The following SH3RF3 variants were observed in gnomAD, a reference collection of about 807,000 sequenced individuals.
SH3RF3 encodes the protein SH3 domain containing ring finger 3.
A neutral mutation model predicts 66.3 loss-of-function variants in SH3RF3; 29 were observed. That is an observed-to-expected ratio of 0.44 (90% CI 0.33 to 0.60). The LOEUF (loss-of-function observed/expected upper bound fraction) is 0.60, where lower values mean the gene tolerates loss of function less well. Among genes scored for constraint, SH3RF3 ranks in the 20% least tolerant of loss-of-function variants. The pLI, the probability that SH3RF3 is intolerant of heterozygous loss-of-function variation, is 0.04. For synonymous variants in SH3RF3, 583 were observed against 532.0 expected, an observed-to-expected ratio of 1.10 and a Z score of -1.32; for missense variants, 1,194 against 1,190.9, an observed-to-expected ratio of 1.00 and a Z score of -0.04.
chr2:109,204,657 C>G (rs1678765437), intron 1 of SH3RF3, among the ~76,000 whole-genome samples: 2 of 152,214 alleles, frequency 1.3e-5, no homozygotes, highest in South Asian at 4.1e-4. Context: ...TGCCAGGGAC[C>G]TGCTGGCAGG....
intron 4 of SH3RF3, among the ~76,000 whole-genome samples, chr2:109,409,656 G>A (rs985371247): frequency 2.6e-5 from 4 of 152,126 alleles, no homozygotes; most frequent in Non-Finnish European, 4.4e-5. Flanking sequence ...CCTCTCCCAG[G>A]ACAGACTCCC....
intron 4 of SH3RF3, among the ~76,000 whole-genome samples, chr2:109,399,912 ACTCC>A (rs1418129833): frequency 6.6e-6 from 1 of 151,998 alleles, no homozygotes; most frequent in Non-Finnish European, 1.5e-5. Context: ...AATGGTGCCC[ACTCC>A]ATTTCTCCCT....
At chr2:109,221,191 G>T (rs1679228613) in intron 1 of SH3RF3, among the ~76,000 whole-genome samples, 1 of 152,204 alleles carries the variant, frequency 6.6e-6, no homozygotes, top group Non-Finnish European at 1.5e-5. Context: ...GGAATAAAAA[G>T]TCAGTCTTCC....
At chr2:109,262,843 A>C (rs184015650) in intron 1 of SH3RF3, among the ~76,000 whole-genome samples, 12 of 151,108 alleles carry the variant, frequency 7.9e-5, no homozygotes, top group South Asian at 2.1e-4. Context: ...TTTCTTTTTT[A>C]TTTTTTTGAG....
At chr2:109,402,117 C>T (rs193246071) in intron 4 of SH3RF3, among the ~76,000 whole-genome samples, 2 of 152,224 alleles carry the variant, frequency 1.3e-5, no homozygotes, top group Admixed American at 6.5e-5. Flanking sequence ...GCTGCCCCTG[C>T]GGGCTCCAGT....
chr2:109,464,496 A>G (rs1319858434), intron 8 of SH3RF3, among the ~76,000 whole-genome samples: 1 of 152,228 alleles, frequency 6.6e-6, no homozygotes, highest in African/African-American at 2.4e-5. Context: ...ATACAGATGC[A>G]TACACAAATA....
At chr2:109,322,955 C>T (rs532688370) in intron 1 of SH3RF3, among the ~76,000 whole-genome samples, 1 of 152,106 alleles carries the variant, frequency 6.6e-6, no homozygotes, top group Non-Finnish European at 1.5e-5. Context: ...AGTGGGCAGG[C>T]AATATAAAGA....
intron 2 of SH3RF3, among the ~76,000 whole-genome samples, chr2:109,367,528 G>A (rs925595055): frequency 1.7e-4 from 26 of 150,198 alleles, no homozygotes; most frequent in Non-Finnish European, 2.5e-4. Flanking sequence ...GTGATCCACC[G>A]ACCTCGGCCT....
At chr2:109,237,084 A>G (rs921089948) in intron 1 of SH3RF3, among the ~76,000 whole-genome samples, 20 of 152,230 alleles carry the variant, frequency 1.3e-4, no homozygotes, top group Non-Finnish European at 2.8e-4. Context: ...AAAATAAGAA[A>G]TAAACAAGAA....
At chr2:109,477,614 GT>G (rs35401182) in intron 8 of SH3RF3, among the ~76,000 whole-genome samples, 4 of 21,502 alleles carry the variant, frequency 1.9e-4, no homozygotes, top group South Asian at 1.5e-3. Context: ...CCACAGATGG[GT>G]GTGTGTGTGT....
At chr2:109,314,096 G>T (rs181600923) in intron 1 of SH3RF3, among the ~76,000 whole-genome samples, 1 of 152,206 alleles carries the variant, frequency 6.6e-6, no homozygotes, top group East Asian at 1.9e-4. Flanking sequence ...TGTGGACTTG[G>T]GGGACACAGT....
At chr2:109,166,614 G>C (rs1677633548) in intron 1 of SH3RF3, among the ~76,000 whole-genome samples, 2 of 152,190 alleles carry the variant, frequency 1.3e-5, no homozygotes, top group South Asian at 4.1e-4. Context: ...AATATTTTGA[G>C]ACATTCCAGT....
At chr2:109,322,652 T>C (rs753177577) in intron 1 of SH3RF3, among the ~76,000 whole-genome samples, 1 of 152,190 alleles carries the variant, frequency 6.6e-6, no homozygotes, top group Non-Finnish European at 1.5e-5. Context: ...CCAGCAGAAA[T>C]AACCTTTTAA....
chr2:109,258,599 G>A (rs1406193877), intron 1 of SH3RF3, among the ~76,000 whole-genome samples: 1 of 152,218 alleles, frequency 6.6e-6, no homozygotes, highest in African/African-American at 2.4e-5. Context: ...CAATTCCCCA[G>A]GCCGGGCCAC....
At chr2:109,286,873 C>T (rs566887535) in intron 1 of SH3RF3, among the ~76,000 whole-genome samples, 12 of 152,272 alleles carry the variant, frequency 7.9e-5, no homozygotes, top group African/African-American at 2.2e-4. Flanking sequence ...ATTCGTTGAC[C>T]GGTCTGTCCC....
intron 1 of SH3RF3, among the ~76,000 whole-genome samples, chr2:109,221,581 CAA>C (rs60310731): frequency 0.01 from 640 of 63,314 alleles, 2 homozygotes; most frequent in African/African-American, 0.021. Flanking sequence ...GACTCCATCT[CAA>C]AAAAAAAAAA....
At chr2:109,244,756 G>A (rs1027842103) in intron 1 of SH3RF3, among the ~76,000 whole-genome samples, 2 of 152,158 alleles carry the variant, frequency 1.3e-5, no homozygotes, top group Non-Finnish European at 2.9e-5. Context: ...CTCAATGCCC[G>A]GGCCCTTGAG....
At chr2:109,412,265 G>A (rs1054817677) in intron 4 of SH3RF3, among the ~76,000 whole-genome samples, 4 of 152,216 alleles carry the variant, frequency 2.6e-5, no homozygotes, top group African/African-American at 9.7e-5. Flanking sequence ...CAAACACATT[G>A]CCCCCCTTTC....
chr2:109,295,943 C>G (rs1249975409), intron 1 of SH3RF3, among the ~76,000 whole-genome samples: 1 of 152,158 alleles, frequency 6.6e-6, no homozygotes, highest in Non-Finnish European at 1.5e-5. Context: ...CGACACTGCT[C>G]CCTCTGTGAC....
Sources: gnomAD v4.1 joint callset for allele counts (sites outside exome capture counted in the v4.1 genomes callset) on GRCh38, gnomAD v4.1.1 for gene constraint, MANE v1.5 for transcripts, NCBI Gene and HGNC (gene_info 2026-07-23, HGNC 2026-07-21) for gene names.